EHBP1: variants seen among roughly 807,000 people sequenced by gnomAD.
The protein encoded by EHBP1 is EH domain binding protein 1, also known as EH domain-binding protein 1.
Under a neutral mutation model 144.0 loss-of-function variants are expected in EHBP1, and 55 were observed. The observed-to-expected ratio is 0.38, with a 90% CI of 0.31 to 0.48. EHBP1 has a LOEUF of 0.48. EHBP1 is among the 20% of genes least tolerant of loss of function. The pLI, the probability that EHBP1 is intolerant of heterozygous loss-of-function variation, is 0.98. For missense variants in EHBP1, 1,200 were observed against 1,364.2 expected (o/e 0.88, Z 1.90); for synonymous variants, 469 against 472.7 (o/e 0.99, Z 0.10).
upstream of EHBP1, among the ~76,000 whole-genome samples, chr2:62,702,634 G>GAATTAATT (rs2034312020): frequency 6.6e-6 from 1 of 152,074 alleles, no homozygotes; most frequent in Non-Finnish European, 1.5e-5. Context: ...TTCCAGTCTT[G>GAATTAATT]GTACCAATTG....
chr2:62,841,760 C>T (rs1022772002), intron 7 of EHBP1, among the ~76,000 whole-genome samples: 4 of 150,816 alleles, frequency 2.7e-5, no homozygotes, highest in African/African-American at 4.9e-5. Context: ...TTTTCTTTCT[C>T]TTTCCTTTCT....
intron 7 of EHBP1, among the ~76,000 whole-genome samples, chr2:62,837,644 G>C (rs1272054580): frequency 6.1e-5 from 9 of 146,526 alleles, no homozygotes; most frequent in Non-Finnish European, 1.4e-4. Context: ...GATGGAGGAA[G>C]ATCTACCAAG....
intron 2 of EHBP1, among the ~76,000 whole-genome samples, chr2:62,713,925 A>G (rs1292523700): frequency 6.6e-6 from 1 of 152,108 alleles, no homozygotes; most frequent in Non-Finnish European, 1.5e-5. Flanking sequence ...ACAAAATTCA[A>G]TTGTGGTGGG....
chr2:62,879,531 A>G (rs991269844), intron 10 of EHBP1, among the ~76,000 whole-genome samples: 1 of 150,208 alleles, frequency 6.7e-6, no homozygotes, highest in Non-Finnish European at 1.5e-5. Context: ...TTAAGAACAC[A>G]GTCCTATTCA....
chr2:62,975,374 T>C (rs918360515), intron 14 of EHBP1, among the ~76,000 whole-genome samples: 3 of 152,172 alleles, frequency 2.0e-5, no homozygotes, highest in Non-Finnish European at 2.9e-5. Flanking sequence ...CTTCCTCTTA[T>C]TGAGGGAATG....
chr2:63,002,753 G>A (rs370731550), intron 19 of EHBP1, among the ~76,000 whole-genome samples: 10 of 152,150 alleles, frequency 6.6e-5, no homozygotes, highest in East Asian at 5.8e-4. Flanking sequence ...TTCTCTCCAT[G>A]ATGACCAACA....
chr2:62,696,793 A>T (rs534233478), intron 1 of EHBP1, among the ~76,000 whole-genome samples: 2 of 152,170 alleles, frequency 1.3e-5, no homozygotes, highest in Non-Finnish European at 2.9e-5. Flanking sequence ...CTGGGATTAC[A>T]GGCGTGAGCC....
chr2:62,868,975 A>C (rs550178509), intron 9 of EHBP1, among the ~76,000 whole-genome samples: 3 of 152,164 alleles, frequency 2.0e-5, no homozygotes, highest in Admixed American at 2.0e-4. Flanking sequence ...AAATTTAAAA[A>C]TTTATTAAAA....
rs563223777 is a variant in EHBP1, at chr2:62,724,082, A to C, written c.104+16787A>C. ...GAAATACGTTTTCCGAGTTGCTTAC[A>C]CTCTCCCCATCTCTTTCAGGGATAC... is the stretch of plus-strand genomic sequence containing the variant. On this transcript the variant is annotated intron_variant, in intron 2 of 22. Transcript: ENST00000431489. 2.0e-5 allele frequency among the ~76,000 whole-genome samples: 3 copies of C among 151,564 alleles called. No homozygotes were observed. The East Asian group carries it at 5.8e-4, about 29-fold the overall frequency.
At chr2:62,689,073 A>G (rs1384594380) in intron 1 of EHBP1, among the ~76,000 whole-genome samples, 1 of 152,206 alleles carries the variant, frequency 6.6e-6, no homozygotes, top group East Asian at 1.9e-4. Flanking sequence ...GTTATTTTTT[A>G]ATAGTCACTA....
upstream of EHBP1, among the ~76,000 whole-genome samples, chr2:62,704,959 T>G (rs1484385605): frequency 6.6e-6 from 1 of 152,006 alleles, no homozygotes; most frequent in African/African-American, 2.4e-5. Context: ...GGCAAAAGAG[T>G]CCGACAGCGA....
intron 7 of EHBP1, among the ~76,000 whole-genome samples, chr2:62,849,016 T>C (rs1001717083): frequency 6.6e-6 from 1 of 152,228 alleles, no homozygotes; most frequent in Non-Finnish European, 1.5e-5. Context: ...GTGGTATAGC[T>C]GGTCTCCTGA....
intron 7 of EHBP1, among the ~76,000 whole-genome samples, chr2:62,854,776 T>C (rs1422258036): frequency 6.6e-6 from 1 of 151,814 alleles, no homozygotes; most frequent in Non-Finnish European, 1.5e-5. Context: ...CCGTCTGGAG[T>C]GGTGGCTGTC....
At chr2:62,925,630 A>G (rs1359451879) in intron 10 of EHBP1, among the ~76,000 whole-genome samples, 3 of 152,202 alleles carry the variant, frequency 2.0e-5, no homozygotes, top group Admixed American at 6.5e-5. Context: ...TACATGAACA[A>G]TAAAACTAGC....
intron 5 of EHBP1, among the ~76,000 whole-genome samples, chr2:62,788,916 T>G (rs774387214): frequency 6.6e-6 from 1 of 152,234 alleles, no homozygotes; most frequent in Non-Finnish European, 1.5e-5. Flanking sequence ...TACCATATTT[T>G]AGCTCTGGTG....
intron 19 of EHBP1, among the ~76,000 whole-genome samples, chr2:63,037,202 T>C (rs1465261902): frequency 6.6e-6 from 1 of 151,960 alleles, no homozygotes. Flanking sequence ...ATCATGACCA[T>C]ATGTCTCTCA....
chr2:62,829,955 A>T (rs2046679890), intron 6 of EHBP1, among the ~76,000 whole-genome samples: 1 of 151,148 alleles, frequency 6.6e-6, no homozygotes, highest in East Asian at 1.9e-4. Context: ...GTTAAAAAGT[A>T]GAACTACCGT....
At chr2:62,873,457 T>TA (rs1401374339) in intron 9 of EHBP1, among the ~76,000 whole-genome samples, 1 of 151,972 alleles carries the variant, frequency 6.6e-6, no homozygotes, top group African/African-American at 2.4e-5. Context: ...TAAAGATTTA[T>TA]AAAAATGGAA....
intron 9 of EHBP1, among the ~76,000 whole-genome samples, chr2:62,868,949 G>A (rs1284888204): frequency 3.3e-5 from 5 of 151,870 alleles, no homozygotes; most frequent in Non-Finnish European, 4.4e-5. Flanking sequence ...GTGAGACCTC[G>A]TCTCTAAAAA....
Sources: gnomAD v4.1 joint callset for allele counts (sites outside exome capture counted in the v4.1 genomes callset) on GRCh38, gnomAD v4.1.1 for gene constraint, MANE v1.5 for transcripts, NCBI Gene and HGNC (gene_info 2026-07-23, HGNC 2026-07-21) for gene names.